The following EMCN variants were observed in gnomAD, a reference collection of about 807,000 sequenced individuals.
EMCN encodes the protein endomucin.
A neutral mutation model predicts 38.4 loss-of-function variants in EMCN; 37 were observed. The ratio of observed to expected loss-of-function variants is 0.96; its 90% CI spans 0.74 to 1.27. The LOEUF (loss-of-function observed/expected upper bound fraction) is 1.27. Among genes scored for constraint, EMCN ranks in the 50% most tolerant of loss-of-function variants. The pLI is 0.00. For synonymous variants in EMCN, 95 were observed against 100.8 expected, an observed-to-expected ratio of 0.94 and a Z score of 0.35; for missense variants, 318 against 302.8, an observed-to-expected ratio of 1.05 and a Z score of -0.37.
intron 2 of EMCN, among the ~76,000 whole-genome samples, chr4:100,476,966 A>T (rs1477299750): frequency 9.9e-5 from 15 of 152,184 alleles, no homozygotes; most frequent in Non-Finnish European, 1.5e-4. Context: ...AATTTCCAAG[A>T]ATGTTTTTAA....
intron 8 of EMCN, among the ~76,000 whole-genome samples, chr4:100,418,989 C>G (rs1032369117): frequency 1.3e-5 from 2 of 152,076 alleles, no homozygotes; most frequent in Non-Finnish European, 1.5e-5. Flanking sequence ...AGTGGTTGTA[C>G]TAATTTACAT....
chr4:100,439,822 G>A (rs1201958498), intron 5 of EMCN, among the ~76,000 whole-genome samples: 1 of 151,732 alleles, frequency 6.6e-6, no homozygotes, highest in African/African-American at 2.4e-5. Context: ...TTGGTATGTT[G>A]TGCTTTAATT....
At chr4:100,486,863 A>G in intron 1 of EMCN, 8 of 985,464 alleles carry the variant, frequency 8.1e-6, no homozygotes, top group Non-Finnish European at 9.6e-6. Context: ...ACACTCACCC[A>G]GGTGTCTTGT....
At chr4:100,427,761 G>C (rs1339854500) in intron 5 of EMCN, among the ~76,000 whole-genome samples, 2 of 151,978 alleles carry the variant, frequency 1.3e-5, no homozygotes, top group Admixed American at 6.6e-5. Flanking sequence ...CTAAGCTCTG[G>C]ATTTATAAAT....
intron 9 of EMCN, 44 bp from the exon 10 acceptor site, chr4:100,416,003 C>T: frequency 2.4e-6 from 3 of 1,257,026 alleles, no homozygotes; most frequent in Non-Finnish European, 3.4e-6. Context: ...CAGTAATCAG[C>T]ATTGTATGTT....
intron 10 of EMCN, 60 bp from the exon 11 acceptor site, chr4:100,410,415 A>T: frequency 1.3e-6 from 2 of 1,497,488 alleles, no homozygotes; most frequent in Non-Finnish European, 1.8e-6. Context: ...GATGAAAATA[A>T]AGTTTCCTAG....
chr4:100,473,395 T>TTTTTTTTTTTTA (rs1263222229), intron 3 of EMCN, among the ~76,000 whole-genome samples: 1 of 143,962 alleles, frequency 6.9e-6, no homozygotes, highest in African/African-American at 2.5e-5. Context: ...TGTTTTTTTT[T>TTTTTTTTTTTTA]TTGCTAATGA....
intron 1 of EMCN, among the ~76,000 whole-genome samples, chr4:100,498,309 TG>T (rs1729262076): frequency 6.6e-6 from 1 of 152,072 alleles, no homozygotes; most frequent in African/African-American, 2.4e-5. Context: ...TTTCGCTAGA[TG>T]AAAAAAAGTA....
At chr4:100,473,843 C>A in intron 3 of EMCN, 2 of 153,104 alleles carry the variant, frequency 1.3e-5, no homozygotes, top group South Asian at 3.7e-4. Context: ...TTTGAAGTGT[C>A]ATCTTCTCTT....
chr4:100,485,102 C>T (rs1264005436), intron 1 of EMCN, among the ~76,000 whole-genome samples: 2 of 151,998 alleles, frequency 1.3e-5, no homozygotes, highest in African/African-American at 4.8e-5. Flanking sequence ...ATGCTAATTA[C>T]CAGGTGGTCT....
chr4:100,430,870 A>T (rs935087687), intron 5 of EMCN, among the ~76,000 whole-genome samples: 1 of 152,138 alleles, frequency 6.6e-6, no homozygotes, highest in African/African-American at 2.4e-5. Context: ...AACATCCTAA[A>T]ATCCTATGTT....
intron 11 of EMCN, among the ~76,000 whole-genome samples, chr4:100,406,257 T>C (rs1231325222): frequency 6.6e-6 from 1 of 152,096 alleles, no homozygotes; most frequent in East Asian, 1.9e-4. Flanking sequence ...CTGATTTTGG[T>C]TATTTTTCTT....
intron 5 of EMCN, among the ~76,000 whole-genome samples, chr4:100,426,106 G>C (rs147167017): frequency 3.9e-5 from 6 of 152,218 alleles, no homozygotes; most frequent in African/African-American, 1.4e-4. Flanking sequence ...CCTCACTGTA[G>C]ACCAATTACT....
At chr4:100,511,956 T>C (rs1274080119) in intron 1 of EMCN, among the ~76,000 whole-genome samples, 1 of 152,208 alleles carries the variant, frequency 6.6e-6, no homozygotes, top group East Asian at 1.9e-4. Flanking sequence ...AGCTGTCTCA[T>C]AGAATGCTAA....
intron 4 of EMCN, among the ~76,000 whole-genome samples, chr4:100,448,478 G>T (rs1727741092): frequency 6.6e-6 from 1 of 151,896 alleles, no homozygotes; most frequent in African/African-American, 2.4e-5. Flanking sequence ...TTTTCCAGTT[G>T]CACAAAACAA....
At chr4:100,403,979 C>T (rs763117850) in intron 11 of EMCN, among the ~76,000 whole-genome samples, 4 of 151,978 alleles carry the variant, frequency 2.6e-5, no homozygotes, top group Non-Finnish European at 2.9e-5. Flanking sequence ...ATACCTTTAT[C>T]GGATGCATAG....
At chr4:100,444,312 C>A (rs1024875142) in intron 5 of EMCN, among the ~76,000 whole-genome samples, 1 of 152,152 alleles carries the variant, frequency 6.6e-6, no homozygotes, top group Non-Finnish European at 1.5e-5. Flanking sequence ...CTGTGGGGTA[C>A]GGTACTACAT....
chr4:100,511,216 C>T (rs1336942330), intron 1 of EMCN, among the ~76,000 whole-genome samples: 2 of 152,180 alleles, frequency 1.3e-5, no homozygotes, highest in African/African-American at 4.8e-5. Flanking sequence ...CCACACCAGC[C>T]TTGTGTAACT....
chr4:100,413,240 G>C (rs1469911366), intron 10 of EMCN, among the ~76,000 whole-genome samples: 1 of 152,134 alleles, frequency 6.6e-6, no homozygotes, highest in Non-Finnish European at 1.5e-5. Flanking sequence ...ATTCTGAGTA[G>C]CTGGTGGTCA....
Sources: gnomAD v4.1 joint callset for allele counts (sites outside exome capture counted in the v4.1 genomes callset) on GRCh38, gnomAD v4.1.1 for gene constraint, MANE v1.5 for transcripts, NCBI Gene and HGNC (gene_info 2026-07-23, HGNC 2026-07-21) for gene names.